Variants in HIVEP3 observed in about 807,000 individuals in gnomAD.
HIVEP3 encodes the protein HIVEP zinc finger 3.
HIVEP3 carries 49 observed loss-of-function variants against 152.8 expected under a neutral mutation model. The observed-to-expected ratio is 0.32, with a 90% CI of 0.26 to 0.41. The LOEUF is 0.41. Ranked by LOEUF, HIVEP3 falls within the 10% of genes least tolerant of loss-of-function variation. The pLI is 1.00. For missense variants in HIVEP3, 2,790 were observed against 3,103.3 expected, an observed-to-expected ratio of 0.90 and a Z score of 2.40; for synonymous variants, 1,269 against 1,289.0, an observed-to-expected ratio of 0.98 and a Z score of 0.33.
chr1:41,997,375 T>G (rs754091911), intron 1 of HIVEP3, among the ~76,000 whole-genome samples: 5 of 152,194 alleles, frequency 3.3e-5, no homozygotes, highest in Non-Finnish European at 7.3e-5. Context: ...CCCCCATTTT[T>G]GACTCAGCAA....
intron 1 of HIVEP3, among the ~76,000 whole-genome samples, chr1:41,799,662 C>CT (rs869254396): frequency 6.6e-6 from 1 of 152,104 alleles, no homozygotes; most frequent in Non-Finnish European, 1.5e-5. Context: ...TACATTTCCT[C>CT]TTTTTTTAAA....
intron 2 of HIVEP3, among the ~76,000 whole-genome samples, chr1:41,647,580 T>C (rs1645479859): frequency 6.6e-6 from 1 of 152,220 alleles, no homozygotes; most frequent in Admixed American, 6.5e-5. Context: ...CAGTGGGTTC[T>C]AAGTTGGAGG....
At chr1:41,697,303 A>C (rs1450751042) in intron 2 of HIVEP3, among the ~76,000 whole-genome samples, 1 of 152,226 alleles carries the variant, frequency 6.6e-6, no homozygotes, top group East Asian at 1.9e-4. Context: ...GAGCTTCAAG[A>C]AAGGAAAGGC....
At chr1:41,894,967 C>T (rs1193526757) in intron 1 of HIVEP3, among the ~76,000 whole-genome samples, 6 of 152,140 alleles carry the variant, frequency 3.9e-5, no homozygotes, top group South Asian at 2.1e-4. Context: ...ACTAACCTTG[C>T]GCAGCAAGTC....
rs560599249 is a variant in HIVEP3 at position 41,507,049 on chromosome 1, C to T, written c.*3402G>A. On this transcript the variant is annotated 3_prime_UTR_variant, in exon 9 of 9. Transcript: ENST00000372583. The stretch of plus-strand genomic sequence containing the variant: ...CGGGAACTTTCTTCCCCTGGTCACA[C>T]GGCAGATCGGTCCCCAAGGACAGGT... 7 of 152,078 alleles carry T rather than the reference C, an allele frequency of 4.6e-5. No individual in the cohort carries two copies. The highest frequency in any genetic ancestry group is 2.1e-4 in the South Asian group (1 of 4,822). The allele number at this position is 152,078 out of a possible 1,614,324, so 9.4% of individuals were successfully genotyped here. A position where few individuals can be genotyped will look rare whatever the true frequency, so the allele number is the denominator to read the frequency against.
At chr1:41,825,627 A>G (rs1296854093) in intron 1 of HIVEP3, among the ~76,000 whole-genome samples, 1 of 151,850 alleles carries the variant, frequency 6.6e-6, no homozygotes, top group Non-Finnish European at 1.5e-5. Context: ...ATTTTTTGAA[A>G]CAGGGTCTCA....
intron 1 of HIVEP3, among the ~76,000 whole-genome samples, chr1:41,841,416 G>A (rs1643284790): frequency 2.1e-5 from 1 of 47,452 alleles, no homozygotes; most frequent in South Asian, 4.0e-4. Flanking sequence ...ATTACAAACA[G>A]TGCAAAGCCT....
Position 41,513,055 on chromosome 1 carries a change from C to A in HIVEP3, c.6166G>T (p.Glu2056Ter). Residue 2056 changes from glutamate (E) to a stop codon, truncating the protein, a stop_gained, in exon 8 of 9, where the codon GAG becomes TAG. Coordinates refer to ENST00000372583, the MANE Select transcript of HIVEP3 (RefSeq NM_024503.5). LOFTEE classifies it high-confidence loss of function. ...APRAHVLSKL[E>*]GTTDPGLPRY... Reference sequence around the variant, plus strand: ...GGGAGGCCTGGGTCGGTGGTACCCTCGAGTTTGGAGAGCACATGTGCTCGA... The same window carrying A: ...GGGAGGCCTGGGTCGGTGGTACCCTAGAGTTTGGAGAGCACATGTGCTCGA... 6.2e-7 allele frequency: 1 copy of A among 1,613,816 alleles called. No homozygotes were observed. Among genetic ancestry groups the A allele is most frequent in the Non-Finnish European group, 8.5e-7 (1 of 1,179,972 alleles).
intron 1 of HIVEP3, among the ~76,000 whole-genome samples, chr1:41,886,414 T>C (rs1644347406): frequency 6.6e-6 from 1 of 151,830 alleles, no homozygotes; most frequent in Non-Finnish European, 1.5e-5. Context: ...AAAAATAGGA[T>C]TGAAATATAC....
chr1:41,937,749 T>C (rs568219801), intron 1 of HIVEP3, among the ~76,000 whole-genome samples: 1 of 152,210 alleles, frequency 6.6e-6, no homozygotes, highest in Admixed American at 6.5e-5. Context: ...TTTTCAGATA[T>C]GTCAACTAAT....
chr1:41,723,577 T>C (rs1570400551), intron 1 of HIVEP3, among the ~76,000 whole-genome samples: 1 of 151,970 alleles, frequency 6.6e-6, no homozygotes, highest in East Asian at 1.9e-4. Context: ...AATTGGCTGG[T>C]TTTGATATTC....
chr1:41,851,987 G>T lies in HIVEP3; in HGVS notation c.-801+66426C>A, dbSNP rs533453046. Among the ~76,000 whole-genome samples, 3 of 152,266 alleles carry T rather than the reference G, an allele frequency of 2.0e-5. No individual in the cohort carries two copies. In the South Asian group the frequency reaches 6.2e-4, roughly 32 times the overall value. ...ATGGGGCTGGTAGAAAATACCCAAG[G>T]GATAGGGTGTTTGTGAGGATCAAGG... On this transcript the variant is annotated intron_variant, in intron 1 of 8. Coordinates refer to ENST00000372583, the MANE Select transcript of HIVEP3 (RefSeq NM_024503.5).
In HIVEP3 at chr1:41,582,205, C is replaced by T. The variant is rs749988176; in HGVS notation, c.2593G>A (p.Asp865Asn). Residue 865 changes from aspartate to asparagine, a missense_variant, in exon 4 of 9, where the codon GAC (aspartate) becomes AAC (asparagine). By Grantham distance (23) the Asp-to-Asn change is conservative (BLOSUM62 1). This residue lies in a region of HIVEP3 where 1,078 missense variants were observed against 1,165.3 expected (regional missense o/e 0.93). Transcript: ENST00000372583. This position sits in a 1 kb window ranked among gnomAD's most constrained non-coding sequence, Gnocchi z 4.7. ...GGCTCTGGCTCTGTGTCCGGCCGGTCAGGCTCCTCAGTTACTAGGATCTCA... is the reference window on the plus strand; with the variant it reads ...GGCTCTGGCTCTGTGTCCGGCCGGTTAGGCTCCTCAGTTACTAGGATCTCA... ...VPEILVTEEPDRPDTEPEPPP... is the reference protein window; with the variant it reads ...VPEILVTEEPNRPDTEPEPPP... 6.2e-7 allele frequency: 1 copy of T among 1,614,062 alleles called. No individual in the cohort carries two copies. Among genetic ancestry groups the T allele is most frequent in the South Asian group, 1.1e-5 (1 of 91,058 alleles).
intron 2 of HIVEP3, among the ~76,000 whole-genome samples, chr1:41,659,878 G>A (rs1645685743): frequency 1.3e-5 from 2 of 152,238 alleles, no homozygotes; most frequent in African/African-American, 4.8e-5. Context: ...CAGCTCTGGG[G>A]ACACGGGGAC....
chr1:41,938,428 G>A (rs1189853621), intron 1 of HIVEP3, among the ~76,000 whole-genome samples: 2 of 152,220 alleles, frequency 1.3e-5, no homozygotes, highest in Non-Finnish European at 2.9e-5. Context: ...AGGAATGAGT[G>A]TTAATGAGTC....
intron 3 of HIVEP3, among the ~76,000 whole-genome samples, chr1:41,608,917 C>CAAAAAAAAAAA (rs35714997): frequency 8.1e-6 from 1 of 123,546 alleles, no homozygotes. Context: ...CTAAAAATAC[C>CAAAAAAAAAAA]AAAAAAAAAA....
chr1:41,665,977 C>T (rs1450280062), intron 2 of HIVEP3, among the ~76,000 whole-genome samples: 3 of 152,084 alleles, frequency 2.0e-5, no homozygotes, highest in Non-Finnish European at 2.9e-5. Flanking sequence ...TGGGGCTGAG[C>T]AACCAGGCCC....
chr1:41,518,129 G>A (rs1327215625), intron 7 of HIVEP3, among the ~76,000 whole-genome samples: 2 of 152,326 alleles, frequency 1.3e-5, no homozygotes, highest in South Asian at 2.1e-4. Flanking sequence ...GGTGCCAGGC[G>A]CTCCACCTGC....
rs984333455 is a variant in HIVEP3, at chr1:41,609,610, C to G, written c.-522+19139G>C. Among the ~76,000 whole-genome samples the G allele has an allele frequency of 2.0e-5, 3 of 152,248 alleles. No individual in the cohort carries two copies. In the South Asian group the frequency reaches 6.2e-4, roughly 31 times the overall value. On this transcript the variant is annotated intron_variant, in intron 3 of 8. Transcript: ENST00000372583. ...GGCTGTCTCCAATCCATAATGACAC[C>G]CCTTTTTAAGACCCTTCAGCCTCCC...
Sources: gnomAD v4.1 joint callset for allele counts (sites outside exome capture counted in the v4.1 genomes callset) on GRCh38, gnomAD v4.1.1 for gene constraint, gnomAD v4.1.1 regional missense constraint, Gnocchi (gnomAD v3.1) non-coding constraint, MANE v1.5 for transcripts, NCBI Gene and HGNC (gene_info 2026-07-23, HGNC 2026-07-21) for gene names.